Variants in WFDC8 observed in about 807,000 individuals in gnomAD.
WFDC8 encodes the protein WAP four-disulfide core domain 8.
In WFDC8, 24 loss-of-function variants were observed where a neutral mutation model predicts 27.0. The observed-to-expected ratio is 0.89, with a 90% CI of 0.64 to 1.25. The LOEUF (loss-of-function observed/expected upper bound fraction) is 1.25, where lower values mean the gene tolerates loss of function less well. Ranked by LOEUF, WFDC8 falls within the 50% of genes most tolerant of loss-of-function variation. The pLI, the probability that WFDC8 is intolerant of heterozygous loss-of-function variation, is 0.00. For synonymous variants in WFDC8, 106 were observed against 99.7 expected, an observed-to-expected ratio of 1.06 and a Z score of -0.38; for missense variants, 287 against 295.9, an observed-to-expected ratio of 0.97 and a Z score of 0.22.
chr20:45,570,055 G>A (rs1237982968), intron 1 of WFDC8, among the ~76,000 whole-genome samples: 1 of 152,146 alleles, frequency 6.6e-6, no homozygotes, highest in African/African-American at 2.4e-5. Context: ...GTAGGAGGAA[G>A]GAGAGGATCA....
At chr20:45,557,196 C>T (rs903792471) in intron 3 of WFDC8, among the ~76,000 whole-genome samples, 7 of 152,210 alleles carry the variant, frequency 4.6e-5, no homozygotes, top group African/African-American at 7.2e-5. Context: ...CCACCATGTT[C>T]ACCTGACCTC....
rs144461410 is a variant in WFDC8 at position 45,575,109 on chromosome 20, A to G, written c.26+4113T>C. Reference sequence around the variant, plus strand: ...TTGAGTTTTTTCTCTGAGATCAGGAACAAGACGAGAATGCCAATTTCTACC... The same window carrying G: ...TTGAGTTTTTTCTCTGAGATCAGGAGCAAGACGAGAATGCCAATTTCTACC... On this transcript the variant is annotated intron_variant, in intron 1 of 5. Coordinates refer to ENST00000289953, the MANE Select transcript of WFDC8 (RefSeq NM_130896.3). Among the ~76,000 whole-genome samples the G allele has an allele frequency of 3.8e-3, 586 of 152,340 alleles. 4 individuals carry two copies. The highest frequency in any genetic ancestry group is 0.014 in the African/African-American group (567 of 41,572).
In WFDC8 at chr20:45,562,102, G is replaced by T; in HGVS notation, c.136+8C>A. On this transcript the variant is annotated splice_region_variant and intron_variant, in intron 2 of 5. Coordinates refer to ENST00000289953, the MANE Select transcript of WFDC8 (RefSeq NM_130896.3). ...AAGGAAGAATGGCTGCAGCTTTTTTGAACTCACGTTTGATCTTCTTGGTCA... is the reference window on the plus strand; with the variant it reads ...AAGGAAGAATGGCTGCAGCTTTTTTTAACTCACGTTTGATCTTCTTGGTCA... 1 of 1,612,690 alleles carries T rather than the reference G, an allele frequency of 6.2e-7. No homozygotes were observed. Among genetic ancestry groups the T allele is most frequent in the African/African-American group, 1.3e-5 (1 of 74,994 alleles).
chr20:45,555,677 AGATTTCCAGGATAGAG>A lies in WFDC8; in HGVS notation c.445+8_445+23del, dbSNP rs1343570638. 1.2e-6 allele frequency: 2 copies of A among 1,611,126 alleles called. No individual in the cohort carries two copies. The highest frequency in any genetic ancestry group is 8.5e-7 in the Non-Finnish European group (1 of 1,179,184). ...CTATTTCTAGTTAAACTAGACCCTC[AGATTTCCAGGATAGAG>A]GTCTCACCAATTAACATGCAGGCCG... On this transcript the variant is annotated splice_region_variant and intron_variant, in intron 4 of 5. Transcript: ENST00000289953.
chr20:45,574,468 AG>A (rs895212261), intron 1 of WFDC8, among the ~76,000 whole-genome samples: 5 of 152,108 alleles, frequency 3.3e-5, no homozygotes, highest in African/African-American at 1.2e-4. Flanking sequence ...AAAAAAAAAA[AG>A]ATCAGCAAAT....
chr20:45,576,861 T>C (rs1036713085), intron 1 of WFDC8, among the ~76,000 whole-genome samples: 1 of 151,520 alleles, frequency 6.6e-6, no homozygotes, highest in Non-Finnish European at 1.5e-5. Context: ...AGTCCAGAAA[T>C]TATTACCTAT....
At chr20:45,561,739 C>T (rs1356823610) in intron 2 of WFDC8, among the ~76,000 whole-genome samples, 12 of 147,850 alleles carry the variant, frequency 8.1e-5, no homozygotes, top group South Asian at 4.4e-4. Flanking sequence ...ATTAAACTTG[C>T]GTGTGTGTGT....
intron 1 of WFDC8, among the ~76,000 whole-genome samples, chr20:45,578,001 C>A (rs564948280): frequency 6.7e-6 from 1 of 148,956 alleles, no homozygotes; most frequent in South Asian, 2.1e-4. Flanking sequence ...AGAGAGATTC[C>A]CTCTCAAACA....
At chr20:45,565,021 A>AAAGAAAAAGG (rs144470212) in intron 1 of WFDC8, among the ~76,000 whole-genome samples, 1 of 146,540 alleles carries the variant, frequency 6.8e-6, no homozygotes, top group African/African-American at 2.6e-5. Flanking sequence ...AAAGAGAAAG[A>AAAGAAAAAGG]AAGGAAGGAA....
intron 1 of WFDC8, among the ~76,000 whole-genome samples, chr20:45,563,358 G>A (rs1015356023): frequency 6.6e-6 from 1 of 152,204 alleles, no homozygotes; most frequent in Non-Finnish European, 1.5e-5. Flanking sequence ...AGATGAGATA[G>A]CATGAAGATT....
chr20:45,568,058 CA>C (rs1291891206), intron 1 of WFDC8: 1 of 316,048 alleles, frequency 3.2e-6, no homozygotes, highest in African/African-American at 2.2e-5. Flanking sequence ...CTTGTAGAGG[CA>C]AAACTAAAAA....
intron 1 of WFDC8, among the ~76,000 whole-genome samples, chr20:45,576,106 A>T (rs1174617962): frequency 1.3e-5 from 2 of 151,460 alleles, no homozygotes; most frequent in Non-Finnish European, 3.0e-5. Context: ...GATTGTCTCT[A>T]AATATTGAGT....
intron 1 of WFDC8, among the ~76,000 whole-genome samples, chr20:45,566,230 A>G (rs4812914): frequency 0.38 from 58,159 of 151,906 alleles, 11,592 homozygotes; most frequent in Non-Finnish European, 0.43. Context: ...TCCTTTTGCA[A>G]GATACCAGGT....
intron 1 of WFDC8, among the ~76,000 whole-genome samples, chr20:45,565,796 T>C (rs1288425056): frequency 1.3e-5 from 2 of 152,184 alleles, no homozygotes. Context: ...ATTAAGACAT[T>C]GATTTGAATT....
intron 1 of WFDC8, among the ~76,000 whole-genome samples, chr20:45,576,678 G>A (rs1424827908): frequency 1.3e-5 from 2 of 151,448 alleles, no homozygotes; most frequent in African/African-American, 4.8e-5. Context: ...GATTACAGGC[G>A]TGAGCCAATG....
At chr20:45,553,535 A>G (rs141203305) in intron 4 of WFDC8, among the ~76,000 whole-genome samples, 161 of 149,878 alleles carry the variant, frequency 1.1e-3, no homozygotes, top group Non-Finnish European at 2.0e-3. Context: ...TCTCTGTAAA[A>G]TGAGGATAAT....
intron 3 of WFDC8, 32 bp from the exon 4 acceptor site, chr20:45,555,900 G>A: frequency 6.2e-7 from 1 of 1,601,150 alleles, no homozygotes; most frequent in Non-Finnish European, 8.6e-7. Flanking sequence ...AGAAGGATAT[G>A]AAGAGTAGAG....
At chr20:45,565,434 C>T (rs558126664) in intron 1 of WFDC8, among the ~76,000 whole-genome samples, 1 of 152,262 alleles carries the variant, frequency 6.6e-6, no homozygotes, top group East Asian at 1.9e-4. Context: ...TTTACTTTTT[C>T]CTGAAGTTGA....
intron 1 of WFDC8, among the ~76,000 whole-genome samples, chr20:45,566,274 G>A (rs766942310): frequency 1.3e-5 from 2 of 152,086 alleles, no homozygotes; most frequent in Non-Finnish European, 2.9e-5. Flanking sequence ...AATTGAAGGA[G>A]TGTTTAATCA....
Sources: gnomAD v4.1 joint callset for allele counts (sites outside exome capture counted in the v4.1 genomes callset) on GRCh38, gnomAD v4.1.1 for gene constraint, MANE v1.5 for transcripts, NCBI Gene and HGNC (gene_info 2026-07-23, HGNC 2026-07-21) for gene names.